SUV39H2: variants seen among roughly 807,000 people sequenced by gnomAD.
SUV39H2 encodes SUV39H2 histone lysine methyltransferase, also known as histone-lysine N-methyltransferase SUV39H2.
Under a neutral mutation model 47.5 loss-of-function variants are expected in SUV39H2, and 10 were observed. The ratio of observed to expected loss-of-function variants is 0.21; its 90% CI spans 0.13 to 0.36. The LOEUF is 0.36. SUV39H2 is among the 10% of genes least tolerant of loss of function. The probability of loss-of-function intolerance (pLI) is 1.00; values close to 1 mark genes in which losing one functional copy is unlikely to be tolerated. For missense variants in SUV39H2, 266 were observed against 487.4 expected, an observed-to-expected ratio of 0.55 and a Z score of 4.28; for synonymous variants, 159 against 166.8, an observed-to-expected ratio of 0.95 and a Z score of 0.36.
chr10:14,888,010 A>G (rs1833267608), intron 2 of SUV39H2, among the ~76,000 whole-genome samples: 1 of 152,152 alleles, frequency 6.6e-6, no homozygotes, highest in African/African-American at 2.4e-5. Context: ...AGTAAGAGGG[A>G]GCATGTGAGG....
At chr10:14,879,524 C>G (rs1832978357) in intron 1 of SUV39H2, among the ~76,000 whole-genome samples, 1 of 152,202 alleles carries the variant, frequency 6.6e-6, no homozygotes, top group South Asian at 2.1e-4. Context: ...GTTGCAGCCT[C>G]TGGCTTACGG....
intron 2 of SUV39H2, among the ~76,000 whole-genome samples, chr10:14,884,987 C>G (rs55799534): frequency 0.28 from 42,849 of 152,036 alleles, 8,762 homozygotes; most frequent in African/African-American, 0.56. Context: ...TGTGATTATT[C>G]TTACCTCTAT....
intron 2 of SUV39H2, among the ~76,000 whole-genome samples, chr10:14,889,836 A>G (rs1162696815): frequency 6.6e-6 from 1 of 152,208 alleles, no homozygotes; most frequent in African/African-American, 2.4e-5. Flanking sequence ...TTGTAGTAGT[A>G]TTGAGTCTCA....
intron 4 of SUV39H2, 48 bp downstream of exon 4, chr10:14,899,733 G>A (rs1430775187): frequency 1.3e-6 from 2 of 1,590,502 alleles, no homozygotes; most frequent in Non-Finnish European, 8.6e-7. Flanking sequence ...ATTCAACCTA[G>A]TACTAGTTTC....
chr10:14,880,967 A>G (rs1335397635), intron 1 of SUV39H2, among the ~76,000 whole-genome samples: 1 of 152,232 alleles, frequency 6.6e-6, no homozygotes, highest in African/African-American at 2.4e-5. Flanking sequence ...AAACTAACAT[A>G]TAATGAGTTT....
rs934738258 is a variant in SUV39H2, at chr10:14,903,633, C to G, written c.*1121C>G. ...TTAGACCTTTTTATTAGTCAACCTA[C>G]GAAGACTAAAATAGAATATATTAGT... On this transcript the variant is annotated 3_prime_UTR_variant, in exon 6 of 6. Coordinates refer to ENST00000354919, the MANE Select transcript of SUV39H2 (RefSeq NM_001193424.2). The G allele has an allele frequency of 3.3e-5, 5 of 152,106 alleles. No individual in the cohort carries two copies. Among genetic ancestry groups the G allele is most frequent in the Non-Finnish European group, 4.4e-5 (3 of 68,024 alleles). The allele number at this position is 152,106 out of a possible 1,614,324, so 9.4% of individuals were successfully genotyped here.
chr10:14,886,962 C>T (rs964469861), intron 2 of SUV39H2, among the ~76,000 whole-genome samples: 6 of 152,036 alleles, frequency 3.9e-5, no homozygotes, highest in Non-Finnish European at 7.4e-5. Flanking sequence ...ATGAGGTGGT[C>T]GGAGATGGAT....
intron 2 of SUV39H2, among the ~76,000 whole-genome samples, chr10:14,886,045 T>G (rs1833198285): frequency 6.6e-6 from 1 of 152,206 alleles, no homozygotes; most frequent in Admixed American, 6.5e-5. Context: ...TTGTCATATA[T>G]CCTATTTTCT....
intron 2 of SUV39H2, among the ~76,000 whole-genome samples, chr10:14,883,704 C>CAAAAAAAAAAAAAAAAAAAAAAAA (rs58522342): frequency 2.0e-5 from 1 of 50,028 alleles, no homozygotes; most frequent in African/African-American, 4.7e-5. Context: ...GACTCAGTCT[C>CAAAAAAAAAAAAAAAAAAAAAAAA]AAAAAAAAAA....
At chr10:14,901,380 C>T (rs1833993637) in intron 5 of SUV39H2, 118 bp downstream of exon 5, 8 of 1,369,308 alleles carry the variant, frequency 5.8e-6, no homozygotes, top group Admixed American at 2.1e-5. Context: ...AAAGTTGAGG[C>T]ACTAAGTTTG....
At chr10:14,880,951 A>G (rs983755503) in intron 1 of SUV39H2, among the ~76,000 whole-genome samples, 1 of 152,224 alleles carries the variant, frequency 6.6e-6, no homozygotes, top group African/African-American at 2.4e-5. Flanking sequence ...CAACATATCA[A>G]AGAGAAAACT....
chr10:14,896,802 A>T, intron 2 of SUV39H2, 44 bp from the exon 3 acceptor site: 1 of 1,469,324 alleles, frequency 6.8e-7, no homozygotes, highest in Non-Finnish European at 9.1e-7. Context: ...TAAAACTGGG[A>T]AATAGCCGTC....
intron 3 of SUV39H2, 160 bp from the exon 4 acceptor site, chr10:14,899,379 C>T (rs887666815): frequency 2.6e-6 from 2 of 778,302 alleles, no homozygotes; most frequent in Non-Finnish European, 4.2e-6. Flanking sequence ...TTTCCCACCT[C>T]TTTGCATCTG....
intron 5 of SUV39H2, 33 bp from the exon 6 acceptor site, chr10:14,902,373 C>T (rs750210703): frequency 3.6e-5 from 52 of 1,434,828 alleles, no homozygotes; most frequent in Non-Finnish European, 4.8e-5. Context: ...TCTTAACTCT[C>T]TTTCTCCTAT....
In SUV39H2 at chr10:14,902,639, G is replaced by T. The variant is rs11547181; in HGVS notation, c.*127G>T. 3 of 641,434 alleles carry T rather than the reference G, an allele frequency of 4.7e-6. No individual in the cohort carries two copies. The highest frequency in any genetic ancestry group is 7.7e-6 in the Non-Finnish European group (3 of 391,866). The allele number at this position is 641,434 out of a possible 1,614,324, so 39.7% of individuals were successfully genotyped here. A position where few individuals can be genotyped will look rare whatever the true frequency, so the allele number is the denominator to read the frequency against. ...TGTTAATTTACAATTCATGTTTCAA[G>T]ACATTTGCCAAATGTATTACCGATG... On this transcript the variant is annotated 3_prime_UTR_variant, in exon 6 of 6. Coordinates refer to ENST00000354919, the MANE Select transcript of SUV39H2 (RefSeq NM_001193424.2).
intron 2 of SUV39H2, among the ~76,000 whole-genome samples, chr10:14,894,094 G>A (rs964355937): frequency 1.3e-5 from 2 of 152,198 alleles, no homozygotes; most frequent in Non-Finnish European, 1.5e-5. Context: ...GTTGGATCTT[G>A]TATCTGCTAG....
intron 2 of SUV39H2, among the ~76,000 whole-genome samples, chr10:14,889,531 G>A (rs1464985939): frequency 6.6e-6 from 1 of 152,216 alleles, no homozygotes; most frequent in Non-Finnish European, 1.5e-5. Flanking sequence ...ATTGACCGAG[G>A]AAGTGCGTCT....
rs1834166152 is a variant in SUV39H2 at position 14,903,647 on chromosome 10, G to T, written c.*1135G>T. 1 of 152,188 alleles carries T rather than the reference G, an allele frequency of 6.6e-6. No individual in the cohort carries two copies. The highest frequency in any genetic ancestry group is 1.5e-5 in the Non-Finnish European group (1 of 68,036). The allele number at this position is 152,188 out of a possible 1,614,324, so 9.4% of individuals were successfully genotyped here. ...TAGTCAACCTACGAAGACTAAAATAGAATATATTAGTTTTCAAGGGAGTGG... is the reference window on the plus strand; with the variant it reads ...TAGTCAACCTACGAAGACTAAAATATAATATATTAGTTTTCAAGGGAGTGG... On this transcript the variant is annotated 3_prime_UTR_variant, in exon 6 of 6. Coordinates refer to ENST00000354919, the MANE Select transcript of SUV39H2 (RefSeq NM_001193424.2).
chr10:14,899,559 T>G lies in SUV39H2; in HGVS notation c.870T>G (p.Ala290=). 10 of 1,614,016 alleles carry G rather than the reference T, an allele frequency of 6.2e-6. No individual in the cohort carries two copies. The highest frequency in any genetic ancestry group is 6.8e-6 in the Non-Finnish European group (8 of 1,179,994). ...YVGEVITSEE[A]ERRGQFYDNK... The stretch of plus-strand genomic sequence containing the variant: ...TTTAGGTAATCACAAGTGAAGAAGC[T>G]GAAAGACGAGGACAGTTCTATGACA... Residue 290 remains alanine (A), a synonymous_variant, in exon 4 of 6, where the codon GCT becomes GCG. Coordinates refer to ENST00000354919, the MANE Select transcript of SUV39H2 (RefSeq NM_001193424.2).
Sources: allele counts gnomAD v4.1 joint callset (sites outside exome capture counted in the v4.1 genomes callset), GRCh38; gene constraint gnomAD v4.1.1; transcripts MANE v1.5; gene names NCBI Gene and HGNC (gene_info 2026-07-23, HGNC 2026-07-21).